Variants in COL3A1 observed in about 807,000 individuals in gnomAD.
COL3A1 encodes the protein collagen alpha-1(III) chain.
A neutral mutation model predicts 200.9 loss-of-function variants in COL3A1; 46 were observed. The observed-to-expected ratio is 0.23, with a 90% CI of 0.18 to 0.29. The LOEUF is 0.29. Among genes scored for constraint, COL3A1 ranks in the 10% least tolerant of loss-of-function variants. The probability of loss-of-function intolerance (pLI) is 1.00; values close to 1 mark genes in which losing one functional copy is unlikely to be tolerated. For synonymous variants in COL3A1, 650 were observed against 628.0 expected (o/e 1.03, Z -0.52); for missense variants, 1,367 against 1,917.6 (o/e 0.71, Z 5.36).
intron 1 of COL3A1, among the ~76,000 whole-genome samples, chr2:188,976,450 A>AT (rs1396166610): frequency 6.6e-5 from 10 of 151,888 alleles, no homozygotes; most frequent in South Asian, 4.2e-4. Flanking sequence ...TGTTCAGCCT[A>AT]TTTTTTTTGT....
At position 189,010,481 on chromosome 2, in the gene COL3A1, G is replaced by A; in HGVS notation, c.4011+116G>A. 7.4e-6 allele frequency: 11 copies of A among 1,481,958 alleles called. No homozygotes were observed. The South Asian group carries it at 1.3e-4, about 17-fold the overall frequency. 91.8% of individuals were successfully genotyped at this position (1,481,958 alleles called of 1,614,324 possible). A position where few individuals can be genotyped will look rare whatever the true frequency, so the allele number is the denominator to read the frequency against. On this transcript the variant is annotated intron_variant, in intron 49 of 50. Transcript: ENST00000304636. ...TGGTACAAACATAATTGCAGTTTTT[G>A]CTACTGAAAGTGATGGCATGCAATA... is the stretch of plus-strand genomic sequence containing the variant.
At chr2:188,981,007 C>G (rs1050504309) in intron 1 of COL3A1, among the ~76,000 whole-genome samples, 3 of 151,234 alleles carry the variant, frequency 2.0e-5, no homozygotes, top group African/African-American at 4.8e-5. Context: ...ACTTTTCATT[C>G]AAGCCAAATT....
At chr2:188,980,307 A>G (rs1687923057) in intron 1 of COL3A1, among the ~76,000 whole-genome samples, 1 of 150,982 alleles carries the variant, frequency 6.6e-6, no homozygotes, top group Middle Eastern at 3.5e-3. Flanking sequence ...TTTATTTTTA[A>G]CAGGATAAAA....
chr2:188,977,124 T>C (rs1266175420), intron 1 of COL3A1, among the ~76,000 whole-genome samples: 1 of 152,156 alleles, frequency 6.6e-6, no homozygotes, highest in Non-Finnish European at 1.5e-5. Flanking sequence ...ATTCTACATA[T>C]GACTATTGTT....
At chr2:188,990,462 G>T in intron 10 of COL3A1, 102 bp downstream of exon 10, 1 of 923,920 alleles carries the variant, frequency 1.1e-6, no homozygotes, top group Non-Finnish European at 1.7e-6. Flanking sequence ...ATATGATTCT[G>T]ACAATTAATT....
At chr2:188,989,900 T>A (rs1688149879) in intron 8 of COL3A1, among the ~76,000 whole-genome samples, 196 bp from the exon 9 acceptor site, 1 of 152,164 alleles carries the variant, frequency 6.6e-6, no homozygotes, top group Non-Finnish European at 1.5e-5. Context: ...CTGCATTATC[T>A]CTTTATAAGC....
chr2:189,011,777 C>A lies in COL3A1; in HGVS notation c.*3C>A, dbSNP rs1383823798. 1.1e-5 allele frequency: 18 copies of A among 1,613,822 alleles called. No individual in the cohort carries two copies. The highest frequency in any genetic ancestry group is 1.4e-5 in the Non-Finnish European group (16 of 1,179,800). On this transcript the variant is annotated 3_prime_UTR_variant, in exon 51 of 51. Transcript: ENST00000304636. ...TTGGCCCTGTTTGCTTTTTATAAAC[C>A]AAACTCTATCTGAAATCCCAACAAA...
intron 40 of COL3A1, among the ~76,000 whole-genome samples, chr2:189,004,606 A>G (rs1688548555): frequency 6.6e-6 from 1 of 152,238 alleles, no homozygotes; most frequent in South Asian, 2.1e-4. Flanking sequence ...TGAAAACAAT[A>G]TTGCCATCTC....
In COL3A1 at chr2:188,974,575, AG is replaced by A. The variant is rs1375577557; in HGVS notation, c.79+9del. The A allele has an allele frequency of 6.2e-7, 1 of 1,611,656 alleles. No homozygotes were observed. Among genetic ancestry groups the A allele is most frequent in the Non-Finnish European group, 8.5e-7 (1 of 1,177,872 alleles). On this transcript the variant is annotated splice_region_variant and intron_variant, in intron 1 of 50. Transcript: ENST00000304636. ...ATTTTGGCACAACAGGAAGGTGAGT[AG>A]GTACTGATTTCAAGAAACTTTATGG...
intron 21 of COL3A1, 180 bp from the exon 22 acceptor site, chr2:188,995,512 A>C (rs764278478): frequency 1.0e-5 from 6 of 584,486 alleles, no homozygotes; most frequent in Non-Finnish European, 1.8e-5. Context: ...AAGTTGCTTT[A>C]AAATTTTTTC....
chr2:189,005,725 C>A (rs954944413), intron 41 of COL3A1: 3 of 399,844 alleles, frequency 7.5e-6, no homozygotes, highest in Non-Finnish European at 1.4e-5. Context: ...CCACAATTGA[C>A]ATGTTTTCTG....
rs1367395144 is a variant in COL3A1 at position 189,011,495 on chromosome 2, C to T, written c.4255-133C>T. 4 of 945,348 alleles carry T rather than the reference C, an allele frequency of 4.2e-6. No individual in the cohort carries two copies. In the Admixed American group the frequency reaches 7.8e-5, roughly 18 times the overall value. 58.6% of individuals were successfully genotyped at this position (945,348 alleles called of 1,614,324 possible). ...ATTACAGCTTTGAAGTAGAGCAGGTCTCATATACATGAATAATAACATGGC... is the reference window on the plus strand; with the variant it reads ...ATTACAGCTTTGAAGTAGAGCAGGTTTCATATACATGAATAATAACATGGC... On this transcript the variant is annotated intron_variant, in intron 50 of 50. Coordinates refer to ENST00000304636, the MANE Select transcript of COL3A1 (RefSeq NM_000090.4).
rs1436021194 is a variant in COL3A1 at position 188,999,475 on chromosome 2, T to A, written c.2127T>A (p.Ala709=). ...TATTTCTCACTTATTTTCAGGGTGC[T>A]GCTGGTCCTCCTGGGCCACCTGGTG... The part of the protein sequence containing the change: ...GPPGPEGGKG[A]AGPPGPPGAA... Residue 709 remains alanine, a synonymous_variant, in exon 31 of 51, where the codon GCT becomes GCA. Transcript: ENST00000304636. 4 of 1,614,058 alleles carry A rather than the reference T, an allele frequency of 2.5e-6. No individual in the cohort carries two copies. The highest frequency in any genetic ancestry group is 3.4e-6 in the Non-Finnish European group (4 of 1,180,038).
chr2:189,011,541 G>A, intron 50 of COL3A1, 87 bp from the exon 51 acceptor site: 2 of 1,502,888 alleles, frequency 1.3e-6, no homozygotes, highest in Admixed American at 3.4e-5. Context: ...CTTCTTTAGA[G>A]TAAAAAGGTT....
chr2:189,000,032 A>G, intron 32 of COL3A1, 137 bp downstream of exon 32: 1 of 854,366 alleles, frequency 1.2e-6, no homozygotes, highest in Non-Finnish European at 1.9e-6. Context: ...GAATGACTTG[A>G]TTTATAATGA....
chr2:188,976,368 TAATC>T (rs945664688), intron 1 of COL3A1, among the ~76,000 whole-genome samples: 9 of 152,230 alleles, frequency 5.9e-5, no homozygotes, highest in Admixed American at 3.3e-4. Flanking sequence ...ATGCAAAAAA[TAATC>T]AATAAGTATA....
chr2:188,984,598 T>C (rs1365391606), intron 1 of COL3A1, among the ~76,000 whole-genome samples, 162 bp from the exon 2 acceptor site: 1 of 152,042 alleles, frequency 6.6e-6, no homozygotes, highest in South Asian at 2.1e-4. Flanking sequence ...TCTTGCTACT[T>C]AGCAAATTAC....
chr2:188,994,651 A>G lies in COL3A1; in HGVS notation c.1347+57A>G. 6.2e-7 allele frequency: 1 copy of G among 1,612,658 alleles called. No homozygotes were observed. Among genetic ancestry groups the G allele is most frequent in the Non-Finnish European group, 8.5e-7 (1 of 1,178,718 alleles). On this transcript the variant is annotated intron_variant, in intron 19 of 50. Coordinates refer to ENST00000304636, the MANE Select transcript of COL3A1 (RefSeq NM_000090.4). This position sits in a 1 kb window ranked among gnomAD's most constrained non-coding sequence, Gnocchi z 4.5. ...CTTGAAAAAATGCAACATAATTAGA[A>G]AGTAAACAGGTAAAAACTTTGAACT...
Position 188,984,783 on chromosome 2 carries a change from C to G in COL3A1, c.103C>G (p.Leu35Val), listed in dbSNP as rs368703012. Reference sequence around the variant, plus strand: ...AGCTGTTGAAGGAGGATGTTCCCATCTTGGTCAGTCCTATGCGGATAGAGA... The same window carrying G: ...AGCTGTTGAAGGAGGATGTTCCCATGTTGGTCAGTCCTATGCGGATAGAGA... ...QEAVEGGCSH[L>V]GQSYADRDVW... Residue 35 changes from leucine (L) to valine (V), a missense_variant, in exon 2 of 51, where the codon CTT (leucine) becomes GTT (valine). By Grantham distance (32) the Leu-to-Val change is conservative. This residue lies in a region of COL3A1 where 55 missense variants were observed against 51.5 expected (regional missense o/e 1.07). Coordinates refer to ENST00000304636, the MANE Select transcript of COL3A1 (RefSeq NM_000090.4). The G allele has an allele frequency of 1.2e-6, 2 of 1,613,040 alleles. No homozygotes were observed. The highest frequency in any genetic ancestry group is 2.2e-5 in the East Asian group (1 of 44,838).
Sources: gnomAD v4.1 joint callset for allele counts (sites outside exome capture counted in the v4.1 genomes callset) on GRCh38, gnomAD v4.1.1 for gene constraint, gnomAD v4.1.1 regional missense constraint, Gnocchi (gnomAD v3.1) non-coding constraint, MANE v1.5 for transcripts, NCBI Gene and HGNC (gene_info 2026-07-23, HGNC 2026-07-21) for gene names.